Variants in TENM2 observed in about 807,000 individuals in gnomAD.
The protein encoded by TENM2 is teneurin transmembrane protein 2.
Under a neutral mutation model 245.2 loss-of-function variants are expected in TENM2, and 52 were observed. The observed-to-expected ratio is 0.21, with a 90% CI of 0.17 to 0.27. TENM2 has a LOEUF of 0.27. Ranked by LOEUF, TENM2 falls within the 10% of genes least tolerant of loss-of-function variation. TENM2 has a pLI of 1.00. For synonymous variants in TENM2, 1,363 were observed against 1,438.9 expected (o/e 0.95, Z 1.19); for missense variants, 3,046 against 3,666.8 (o/e 0.83, Z 4.37).
intron 13 of TENM2, among the ~76,000 whole-genome samples, chr5:168,178,536 G>A (rs1759558751): frequency 6.6e-6 from 1 of 152,188 alleles, no homozygotes; most frequent in Non-Finnish European, 1.5e-5. Context: ...CTGTGCCAGA[G>A]AGGCCTGTCA....
chr5:167,108,968 C>T, the TENM2 span, among the ~76,000 whole-genome samples: 1 of 152,238 alleles, frequency 6.6e-6, no homozygotes, highest in East Asian at 1.9e-4. Flanking sequence ...AACAGAATTA[C>T]AGAGATTGTT....
At chr5:168,203,598 C>A in intron 17 of TENM2, 91 bp from the exon 20 acceptor site, 1 of 1,328,324 alleles carries the variant, frequency 7.5e-7, no homozygotes, top group Non-Finnish European at 1.0e-6. Flanking sequence ...TTACTGCGAA[C>A]ACGTGCTTCT....
chr5:167,903,181 T>A (rs1331269747), intron 3 of TENM2, among the ~76,000 whole-genome samples: 1 of 152,086 alleles, frequency 6.6e-6, no homozygotes, highest in African/African-American at 2.4e-5. Flanking sequence ...AAAGAGTAAA[T>A]CTTATATTTG....
At chr5:167,624,229 T>G (rs1778358707) in intron 2 of TENM2, among the ~76,000 whole-genome samples, 1 of 152,164 alleles carries the variant, frequency 6.6e-6, no homozygotes, top group African/African-American at 2.4e-5. Flanking sequence ...CATGGAATAG[T>G]ACACAGCCAT....
chr5:167,733,378 G>A (rs189267439), intron 2 of TENM2, among the ~76,000 whole-genome samples: 1 of 152,284 alleles, frequency 6.6e-6, no homozygotes, highest in African/African-American at 2.4e-5. Context: ...CATGGTGTAA[G>A]TATTCTCACT....
Position 167,491,820 on chromosome 5 carries a change from G to A in TENM2, c.502+116347G>A, listed in dbSNP as rs562941859. On this transcript the variant is annotated intron_variant, in intron 2 of 28. Transcript: ENST00000518659. ...TGCCCACCCACATACAACCAACTACGTGATCTAAAAAATACCAACAGGTCA... is the reference window on the plus strand; with the variant it reads ...TGCCCACCCACATACAACCAACTACATGATCTAAAAAATACCAACAGGTCA... 2.9e-4 allele frequency among the ~76,000 whole-genome samples: 44 copies of A among 152,050 alleles called. No homozygotes were observed. The East Asian group carries it at 3.1e-3, about 11-fold the overall frequency.
At chr5:168,043,545 C>A (rs1371961006) in intron 5 of TENM2, among the ~76,000 whole-genome samples, 1 of 152,116 alleles carries the variant, frequency 6.6e-6, no homozygotes, top group Non-Finnish European at 1.5e-5. Flanking sequence ...GGACCTTAAC[C>A]CAATAAAACC....
intron 2 of TENM2, among the ~76,000 whole-genome samples, chr5:167,596,460 T>C (rs1776217411): frequency 6.6e-6 from 1 of 152,134 alleles, no homozygotes; most frequent in Non-Finnish European, 1.5e-5. Flanking sequence ...TTTCTATTGT[T>C]TCATCAGTGA....
At chr5:168,034,645 C>T (rs988489515) in intron 5 of TENM2, among the ~76,000 whole-genome samples, 1 of 151,602 alleles carries the variant, frequency 6.6e-6, no homozygotes, top group Non-Finnish European at 1.5e-5. Context: ...GTGACGCATA[C>T]CTGTAGTCCC....
intron 1 of TENM2, 127 bp from the exon 4 acceptor site, chr5:167,375,070 CT>C (rs2127310789): frequency 1.1e-6 from 1 of 919,478 alleles, no homozygotes; most frequent in East Asian, 2.6e-5. Flanking sequence ...AGATCTGTTT[CT>C]GTACACCATG....
chr5:167,289,099 T>G (rs1754493277), intron 1 of TENM2, among the ~76,000 whole-genome samples: 2 of 152,174 alleles, frequency 1.3e-5, no homozygotes, highest in Non-Finnish European at 2.9e-5. Context: ...CCAGAAGCAT[T>G]CCTGCCTACA....
At chr5:167,245,836 G>A in the TENM2 span, among the ~76,000 whole-genome samples, 2 of 152,104 alleles carry the variant, frequency 1.3e-5, no homozygotes, top group Non-Finnish European at 1.5e-5. Flanking sequence ...TCTAACTGGA[G>A]GTAGAAACTG....
the TENM2 span, among the ~76,000 whole-genome samples, chr5:167,007,314 C>T: frequency 1.3e-5 from 2 of 152,128 alleles, no homozygotes; most frequent in South Asian, 2.1e-4. This position sits in a 1 kb window ranked among gnomAD's most constrained non-coding sequence, Gnocchi z 4.2. Context: ...GACAAGCCTG[C>T]TTACTCCAAG....
intron 4 of TENM2, among the ~76,000 whole-genome samples, chr5:167,954,167 GCA>G (rs1331194673): frequency 1.3e-5 from 2 of 151,754 alleles, no homozygotes; most frequent in African/African-American, 2.4e-5. Context: ...TAACGTGTGT[GCA>G]CACACACACT....
intron 2 of TENM2, among the ~76,000 whole-genome samples, chr5:167,623,051 C>T (rs191421854): frequency 2.8e-4 from 43 of 152,178 alleles, no homozygotes; most frequent in Admixed American, 2.4e-3. Context: ...ATCTTGTTCC[C>T]TCACCCCCAA....
At chr5:167,333,684 G>C (rs1269362832) in intron 1 of TENM2, among the ~76,000 whole-genome samples, 2 of 152,160 alleles carry the variant, frequency 1.3e-5, no homozygotes, top group Admixed American at 1.3e-4. Flanking sequence ...TATGTTTGTT[G>C]TTCTTGTCCC....
At chr5:167,201,632 T>C in the TENM2 span, among the ~76,000 whole-genome samples, 2 of 152,194 alleles carry the variant, frequency 1.3e-5, no homozygotes, top group African/African-American at 2.4e-5. Context: ...TTCTGATGCT[T>C]CAGCCAGTTG....
upstream of TENM2, among the ~76,000 whole-genome samples, chr5:167,284,069 T>C (rs970762030): frequency 6.6e-6 from 1 of 152,264 alleles, no homozygotes; most frequent in Admixed American, 6.5e-5. Flanking sequence ...TCAGCAGTTA[T>C]CATGTTGGTG....
chr5:167,654,559 G>C (rs73801316), intron 2 of TENM2, among the ~76,000 whole-genome samples: 12 of 151,096 alleles, frequency 7.9e-5, no homozygotes, highest in African/African-American at 2.9e-4. Context: ...CATTTTCTTT[G>C]CTATTATACT....
Sources: gnomAD v4.1 joint callset for allele counts (sites outside exome capture counted in the v4.1 genomes callset) on GRCh38, gnomAD v4.1.1 for gene constraint, Gnocchi (gnomAD v3.1) non-coding constraint, MANE v1.5 for transcripts, NCBI Gene and HGNC (gene_info 2026-07-23, HGNC 2026-07-21) for gene names.